The following MYO1D variants were observed in gnomAD, a reference collection of about 807,000 sequenced individuals.
MYO1D encodes the protein myosin ID, also known as unconventional myosin-Id.
A neutral mutation model predicts 122.0 loss-of-function variants in MYO1D; 83 were observed. The ratio of observed to expected loss-of-function variants is 0.68; its 90% confidence interval spans 0.57 to 0.82. The LOEUF is 0.82. Ranked by LOEUF, MYO1D falls within the 40% of genes least tolerant of loss-of-function variation. The probability of loss-of-function intolerance (pLI) is 0.00; values close to 1 mark genes in which losing one functional copy is unlikely to be tolerated. For synonymous variants in MYO1D, 464 were observed against 446.9 expected (o/e 1.04, Z -0.48); for missense variants, 1,157 against 1,269.5 (o/e 0.91, Z 1.35).
At chr17:32,521,834 C>T (rs535918647) in intron 21 of MYO1D, among the ~76,000 whole-genome samples, 6 of 151,692 alleles carry the variant, frequency 4.0e-5, no homozygotes, top group Middle Eastern at 3.4e-3. Context: ...CTGTAATCCC[C>T]GCACTTTGGG....
At chr17:32,718,302 T>C (rs1348835439) in intron 15 of MYO1D, among the ~76,000 whole-genome samples, 1 of 152,202 alleles carries the variant, frequency 6.6e-6, no homozygotes, top group Non-Finnish European at 1.5e-5. Flanking sequence ...GCCATACAAA[T>C]AGCTAACCAC....
At chr17:32,570,340 A>G (rs2087212049) in intron 21 of MYO1D, among the ~76,000 whole-genome samples, 1 of 152,064 alleles carries the variant, frequency 6.6e-6, no homozygotes, top group Admixed American at 6.6e-5. Flanking sequence ...ACCCTCATGC[A>G]TGGTAAGCCA....
At chr17:32,735,292 G>T (rs2089688942) in intron 14 of MYO1D, among the ~76,000 whole-genome samples, 2 of 152,062 alleles carry the variant, frequency 1.3e-5, no homozygotes, top group South Asian at 4.1e-4. Flanking sequence ...GGGTTCAAGT[G>T]ATTCTCCTGC....
intron 21 of MYO1D, among the ~76,000 whole-genome samples, chr17:32,517,712 A>G (rs776922542): frequency 1.3e-5 from 2 of 152,194 alleles, no homozygotes; most frequent in Non-Finnish European, 2.9e-5. Context: ...AAATGCTCCA[A>G]TTAGCTGCCT....
chr17:32,666,358 T>C (rs1051869228), intron 16 of MYO1D, among the ~76,000 whole-genome samples: 1 of 152,248 alleles, frequency 6.6e-6, no homozygotes, highest in African/African-American at 2.4e-5. Context: ...CTGACACCTC[T>C]TGTCTTCTGT....
At chr17:32,720,901 T>A in intron 15 of MYO1D, 122 bp downstream of exon 15, 1 of 1,019,264 alleles carries the variant, frequency 9.8e-7, no homozygotes, top group Non-Finnish European at 1.4e-6. Flanking sequence ...TGTAATTTCC[T>A]CAGCTCTTTT....
chr17:32,558,694 C>A (rs1388022036), intron 21 of MYO1D, among the ~76,000 whole-genome samples: 1 of 152,216 alleles, frequency 6.6e-6, no homozygotes, highest in Non-Finnish European at 1.5e-5. Context: ...CTGCCCCTCT[C>A]ATTTTCTATT....
chr17:32,744,024 AATCAC>A (rs774908048), intron 13 of MYO1D, among the ~76,000 whole-genome samples: 2 of 152,092 alleles, frequency 1.3e-5, no homozygotes, highest in African/African-American at 2.4e-5. Flanking sequence ...TTAAAACATA[AATCAC>A]ATCACATCAC....
intron 20 of MYO1D, among the ~76,000 whole-genome samples, chr17:32,609,804 A>T (rs2087676477): frequency 6.6e-6 from 1 of 152,216 alleles, no homozygotes; most frequent in Non-Finnish European, 1.5e-5. Context: ...AGAAATTGGA[A>T]ATCATTCACC....
intron 7 of MYO1D, among the ~76,000 whole-genome samples, chr17:32,765,802 A>G (rs759643464): frequency 1.3e-5 from 2 of 152,076 alleles, no homozygotes; most frequent in Non-Finnish European, 1.5e-5. Flanking sequence ...ATTTTGGTAC[A>G]TGGTATCAAG....
chr17:32,815,399 G>T (rs1481388112), intron 1 of MYO1D, among the ~76,000 whole-genome samples: 1 of 152,168 alleles, frequency 6.6e-6, no homozygotes, highest in African/African-American at 2.4e-5. Flanking sequence ...TATTGTGGTA[G>T]AAGAAATCAT....
intron 21 of MYO1D, among the ~76,000 whole-genome samples, chr17:32,551,552 A>T (rs2087015125): frequency 2.3e-5 from 2 of 85,146 alleles, no homozygotes. Flanking sequence ...CCACCATCCC[A>T]CTGCCACACA....
intron 1 of MYO1D, among the ~76,000 whole-genome samples, chr17:32,819,210 T>C (rs1039001585): frequency 6.6e-6 from 1 of 152,096 alleles, no homozygotes; most frequent in Non-Finnish European, 1.5e-5. Context: ...TTTCAAGTTT[T>C]TTTTTTTTTT....
chr17:32,676,645 C>A (rs888590950), intron 16 of MYO1D, among the ~76,000 whole-genome samples: 26 of 152,020 alleles, frequency 1.7e-4, no homozygotes, highest in Admixed American at 1.0e-3. Context: ...CGCCACCTCA[C>A]AACCACAAGG....
intron 1 of MYO1D, among the ~76,000 whole-genome samples, chr17:32,799,861 TA>T (rs1331414061): frequency 1.3e-5 from 2 of 152,022 alleles, no homozygotes; most frequent in Admixed American, 6.5e-5. Flanking sequence ...AGAAAACAAA[TA>T]AACTATCTAT....
chr17:32,532,938 G>A (rs1181113763), intron 21 of MYO1D, among the ~76,000 whole-genome samples: 2 of 152,042 alleles, frequency 1.3e-5, no homozygotes, highest in African/African-American at 2.4e-5. Flanking sequence ...ACTTCCCTGG[G>A]TTTTTCAAAT....
chr17:32,876,840 C>G lies in MYO1D; in HGVS notation c.33G>C (p.Lys11Asn). 6.6e-7 allele frequency: 1 copy of G among 1,519,870 alleles called. No homozygotes were observed. The highest frequency in any genetic ancestry group is 1.2e-5 in the South Asian group (1 of 80,502). The allele number at this position is 1,519,870 out of a possible 1,614,324, so 94.1% of individuals were successfully genotyped here. ...CGGTGTCCATCAGCACGAAGTCTGCCTTGCCGAATTCCAGGCTCTCCTGCT... is the reference window on the plus strand; with the variant it reads ...CGGTGTCCATCAGCACGAAGTCTGCGTTGCCGAATTCCAGGCTCTCCTGCT... MAEQESLEFG[K>N]ADFVLMDTVS... Residue 11 changes from lysine to asparagine, a missense_variant, in exon 1 of 22, where the codon AAG (lysine) becomes AAC (asparagine). By Grantham distance (94) the Lys-to-Asn change is moderately conservative (BLOSUM62 0). Coordinates refer to ENST00000318217, the MANE Select transcript of MYO1D (RefSeq NM_015194.3).
chr17:32,844,984 G>GA (rs893478732), intron 1 of MYO1D, among the ~76,000 whole-genome samples: 8 of 149,592 alleles, frequency 5.3e-5, no homozygotes, highest in Non-Finnish European at 1.2e-4. Context: ...CCTTTTAAAT[G>GA]AAAAAAATGC....
chr17:32,648,195 C>A (rs1326337623), intron 19 of MYO1D, among the ~76,000 whole-genome samples: 1 of 152,088 alleles, frequency 6.6e-6, no homozygotes, highest in African/African-American at 2.4e-5. Context: ...GCCTGGGTGA[C>A]AGAGTAAGAC....
Sources: allele counts gnomAD v4.1 joint callset (sites outside exome capture counted in the v4.1 genomes callset), GRCh38; gene constraint gnomAD v4.1.1; transcripts MANE v1.5; gene names NCBI Gene and HGNC (gene_info 2026-07-23, HGNC 2026-07-21).